SCARA3: variants seen among roughly 807,000 people sequenced by gnomAD.
The protein encoded by SCARA3 is scavenger receptor class A member 3.
In SCARA3, 39 loss-of-function variants were observed where a neutral mutation model predicts 47.0. The ratio of observed to expected loss-of-function variants is 0.83; its 90% CI spans 0.64 to 1.08. The LOEUF is 1.08. SCARA3 is among the 50% of genes least tolerant of loss of function. SCARA3 has a pLI of 0.00. For synonymous variants in SCARA3, 356 were observed against 334.1 expected, an observed-to-expected ratio of 1.07 and a Z score of -0.71; for missense variants, 724 against 792.3, an observed-to-expected ratio of 0.91 and a Z score of 1.04.
At chr8:27,642,652 G>A (rs1801407222) in intron 1 of SCARA3, among the ~76,000 whole-genome samples, 1 of 152,074 alleles carries the variant, frequency 6.6e-6, no homozygotes, top group African/African-American at 2.4e-5. Context: ...GTGAGATCTT[G>A]TCTCTACAAA....
chr8:27,648,164 C>A (rs1268480313), intron 1 of SCARA3, among the ~76,000 whole-genome samples: 1 of 152,242 alleles, frequency 6.6e-6, no homozygotes, highest in East Asian at 1.9e-4. Context: ...CTTGGCTTCA[C>A]CACTTCTATT....
upstream of SCARA3, among the ~76,000 whole-genome samples, chr8:27,633,712 G>A (rs1390653423): frequency 6.6e-6 from 1 of 151,696 alleles, no homozygotes; most frequent in Non-Finnish European, 1.5e-5. Context: ...GGGGCGCGGG[G>A]CCCCCGCGGC....
the SCARA3 span, among the ~76,000 whole-genome samples, chr8:27,729,795 A>T: frequency 6.9e-6 from 1 of 145,068 alleles, no homozygotes; most frequent in African/African-American, 2.9e-5. Flanking sequence ...TCTCCAATTT[A>T]AAAAAATTAA....
At chr8:27,681,849 T>C in the SCARA3 span, among the ~76,000 whole-genome samples, 1 of 152,252 alleles carries the variant, frequency 6.6e-6, no homozygotes, top group African/African-American at 2.4e-5. Flanking sequence ...CCCAAATTGA[T>C]CTATAGTCAA....
At chr8:27,730,914 A>T in the SCARA3 span, among the ~76,000 whole-genome samples, 15 of 151,438 alleles carry the variant, frequency 9.9e-5, no homozygotes, top group Admixed American at 3.9e-4. Context: ...GTAAATTTTT[A>T]AAAAATTAAT....
intron 5 of SCARA3, among the ~76,000 whole-genome samples, chr8:27,664,125 A>C (rs1055345479): frequency 2.6e-5 from 4 of 152,162 alleles, no homozygotes; most frequent in African/African-American, 9.7e-5. Flanking sequence ...CATCGAATTT[A>C]TTTCCTGTCC....
chr8:27,699,988 C>T, the SCARA3 span, among the ~76,000 whole-genome samples: 1 of 152,108 alleles, frequency 6.6e-6, no homozygotes, highest in East Asian at 1.9e-4. Context: ...AAAAAACAAA[C>T]TTTGATATTA....
chr8:27,638,041 C>T (rs1801293530), intron 1 of SCARA3, among the ~76,000 whole-genome samples: 1 of 152,128 alleles, frequency 6.6e-6, no homozygotes, highest in Non-Finnish European at 1.5e-5. Context: ...TCCAAATCCT[C>T]AAACATCGGC....
At chr8:27,650,640 G>A (rs1450092011) in intron 2 of SCARA3, among the ~76,000 whole-genome samples, 1 of 152,186 alleles carries the variant, frequency 6.6e-6, no homozygotes, top group Non-Finnish European at 1.5e-5. Context: ...GTGGCTAAAG[G>A]TGAGTTCACC....
At chr8:27,654,207 C>T (rs529930173) in intron 3 of SCARA3, among the ~76,000 whole-genome samples, 1 of 152,190 alleles carries the variant, frequency 6.6e-6, no homozygotes, top group Admixed American at 6.5e-5. Context: ...AGGCAATAGG[C>T]ATATAGGTCT....
the SCARA3 span, among the ~76,000 whole-genome samples, chr8:27,724,645 A>G: frequency 0.85 from 129,456 of 152,076 alleles, 55,447 homozygotes; most frequent in Non-Finnish European, 0.9. Context: ...GCGACAGGGC[A>G]AGACTCCTTC....
the SCARA3 span, among the ~76,000 whole-genome samples, chr8:27,713,560 T>A: frequency 6.6e-6 from 1 of 152,240 alleles, no homozygotes; most frequent in Admixed American, 6.5e-5. Context: ...TCAAATGGAT[T>A]ATAATCCATT....
chr8:27,716,169 TGG>T, the SCARA3 span, among the ~76,000 whole-genome samples: 1 of 151,900 alleles, frequency 6.6e-6, no homozygotes, highest in Admixed American at 6.6e-5. Flanking sequence ...TTTAATTAGC[TGG>T]GTGTGGTGGT....
At chr8:27,649,508 G>A (rs947476852) in intron 1 of SCARA3, among the ~76,000 whole-genome samples, 194 bp from the exon 2 acceptor site, 6 of 152,244 alleles carry the variant, frequency 3.9e-5, no homozygotes, top group Non-Finnish European at 7.3e-5. Flanking sequence ...ACCCAGAGGG[G>A]TGGGACATCC....
the SCARA3 span, among the ~76,000 whole-genome samples, chr8:27,719,601 G>C: frequency 6.6e-6 from 1 of 151,436 alleles, no homozygotes; most frequent in South Asian, 2.1e-4. Context: ...AGCCATCTTA[G>C]TTTTCAGGGT....
At chr8:27,686,505 C>T in the SCARA3 span, among the ~76,000 whole-genome samples, 2 of 151,956 alleles carry the variant, frequency 1.3e-5, no homozygotes, top group African/African-American at 2.4e-5. Context: ...AATAATAATA[C>T]TACAAAGAAG....
chr8:27,684,095 A>G, the SCARA3 span, among the ~76,000 whole-genome samples: 1 of 152,222 alleles, frequency 6.6e-6, no homozygotes, highest in Non-Finnish European at 1.5e-5. Context: ...TGCTGTCATG[A>G]AAATGGTCTC....
chr8:27,727,321 A>G, the SCARA3 span, among the ~76,000 whole-genome samples: 1 of 152,196 alleles, frequency 6.6e-6, no homozygotes, highest in African/African-American at 2.4e-5. Flanking sequence ...CCCCCCTTGA[A>G]GCACAGCTTT....
At chr8:27,685,436 C>T in the SCARA3 span, among the ~76,000 whole-genome samples, 10 of 152,286 alleles carry the variant, frequency 6.6e-5, no homozygotes, top group East Asian at 1.9e-3. Context: ...AAAAATAGAA[C>T]TCATCCTCTA....
Sources: gnomAD v4.1 joint callset for allele counts (sites outside exome capture counted in the v4.1 genomes callset) on GRCh38, gnomAD v4.1.1 for gene constraint, MANE v1.5 for transcripts, NCBI Gene and HGNC (gene_info 2026-07-23, HGNC 2026-07-21) for gene names.